RNGTT: variants seen among roughly 807,000 people sequenced by gnomAD.
RNGTT encodes the protein RNA guanylyltransferase and 5'-phosphatase.
In RNGTT, 33 loss-of-function variants were observed where a neutral mutation model predicts 79.3. That is an observed-to-expected ratio of 0.42 (90% confidence interval 0.32 to 0.56). The LOEUF (loss-of-function observed/expected upper bound fraction) is 0.56. Among genes scored for constraint, RNGTT ranks in the 20% least tolerant of loss-of-function variants. The pLI, the probability that RNGTT is intolerant of heterozygous loss-of-function variation, is 0.17. For missense variants in RNGTT, 497 were observed against 739.1 expected (o/e 0.67, Z 3.80); for synonymous variants, 222 against 235.9 (o/e 0.94, Z 0.54).
intron 14 of RNGTT, among the ~76,000 whole-genome samples, chr6:88,627,006 G>A (rs998149781): frequency 1.3e-5 from 2 of 151,910 alleles, no homozygotes; most frequent in Non-Finnish European, 2.9e-5. Flanking sequence ...TAATAAAATC[G>A]ATATACAACC....
chr6:88,806,127 G>A (rs575269683), intron 11 of RNGTT, among the ~76,000 whole-genome samples: 37 of 151,938 alleles, frequency 2.4e-4, no homozygotes, highest in South Asian at 1.5e-3. Context: ...CACGAAAGAC[G>A]TCTAATTTAA....
chr6:88,630,884 T>C (rs921501441), intron 14 of RNGTT, among the ~76,000 whole-genome samples: 8 of 152,208 alleles, frequency 5.3e-5, no homozygotes, highest in African/African-American at 1.7e-4. Flanking sequence ...GCCAGGAAAT[T>C]TGTTTGCTTT....
intron 14 of RNGTT, among the ~76,000 whole-genome samples, chr6:88,619,465 GC>G (rs1324814841): frequency 6.6e-6 from 1 of 152,198 alleles, no homozygotes; most frequent in Non-Finnish European, 1.5e-5. Context: ...ACTGCACCCA[GC>G]CCATTGGGGA....
intron 14 of RNGTT, among the ~76,000 whole-genome samples, chr6:88,645,706 T>TA (rs1470733238): frequency 6.6e-6 from 1 of 152,158 alleles, no homozygotes; most frequent in Admixed American, 6.5e-5. Flanking sequence ...ACCACACATC[T>TA]ACAACCATCT....
chr6:88,840,671 T>C (rs1249291198), intron 11 of RNGTT, among the ~76,000 whole-genome samples: 4 of 152,220 alleles, frequency 2.6e-5, no homozygotes, highest in Non-Finnish European at 5.9e-5. Flanking sequence ...AGTGCCAGGA[T>C]TACAGGTGTG....
chr6:88,761,590 C>T (rs1225202239), intron 13 of RNGTT, among the ~76,000 whole-genome samples: 1 of 152,148 alleles, frequency 6.6e-6, no homozygotes, highest in East Asian at 1.9e-4. Flanking sequence ...CAACCATGTA[C>T]AGTACTGTAA....
chr6:88,799,469 T>C (rs982119888), intron 12 of RNGTT, among the ~76,000 whole-genome samples: 5 of 151,832 alleles, frequency 3.3e-5, no homozygotes, highest in African/African-American at 1.2e-4. Flanking sequence ...GAGGCCAAGG[T>C]AGGCGGATCA....
At chr6:88,825,345 G>A (rs1780623296) in intron 11 of RNGTT, among the ~76,000 whole-genome samples, 1 of 152,208 alleles carries the variant, frequency 6.6e-6, no homozygotes, top group South Asian at 2.1e-4. Context: ...CACATGGGTG[G>A]AGGTACACAG....
At chr6:88,773,885 G>T (rs779397045) in intron 12 of RNGTT, among the ~76,000 whole-genome samples, 5 of 152,092 alleles carry the variant, frequency 3.3e-5, no homozygotes, top group Non-Finnish European at 7.4e-5. Context: ...AAGGCTCTGC[G>T]ATCTTAGATT....
intron 14 of RNGTT, among the ~76,000 whole-genome samples, chr6:88,674,675 G>A (rs1045321131): frequency 2.6e-5 from 4 of 151,930 alleles, no homozygotes; most frequent in Non-Finnish European, 5.9e-5. Context: ...ATATAAGCAG[G>A]TGGAAAGGAG....
intron 4 of RNGTT, among the ~76,000 whole-genome samples, chr6:88,916,156 G>A (rs1226224828): frequency 1.3e-5 from 2 of 152,160 alleles, no homozygotes; most frequent in African/African-American, 4.8e-5. Context: ...CTCATACTGT[G>A]GTTTTACCAG....
intron 11 of RNGTT, among the ~76,000 whole-genome samples, chr6:88,806,258 A>G (rs1779950114): frequency 6.6e-6 from 1 of 152,178 alleles, no homozygotes; most frequent in Non-Finnish European, 1.5e-5. Flanking sequence ...CAAAGACTTT[A>G]AAAATAACAT....
intron 11 of RNGTT, among the ~76,000 whole-genome samples, chr6:88,831,592 A>C (rs1780868861): frequency 6.6e-6 from 1 of 152,208 alleles, no homozygotes; most frequent in African/African-American, 2.4e-5. Flanking sequence ...TGGACAGGGC[A>C]ATCAGGCAAG....
intron 14 of RNGTT, among the ~76,000 whole-genome samples, chr6:88,651,365 T>C (rs1773791558): frequency 6.6e-6 from 1 of 152,178 alleles, no homozygotes; most frequent in Non-Finnish European, 1.5e-5. Context: ...AATGTAACTA[T>C]GTTGTCATCT....
intron 11 of RNGTT, among the ~76,000 whole-genome samples, chr6:88,842,867 T>C (rs1354537685): frequency 6.6e-6 from 1 of 151,490 alleles, no homozygotes; most frequent in African/African-American, 2.4e-5. Context: ...AGCCCAGGAG[T>C]TGGAGACCAG....
chr6:88,811,716 GA>G (rs1037508820), intron 11 of RNGTT, among the ~76,000 whole-genome samples: 2 of 152,088 alleles, frequency 1.3e-5, no homozygotes, highest in African/African-American at 4.8e-5. Context: ...TTATAGTATG[GA>G]AAATATACCA....
intron 11 of RNGTT, among the ~76,000 whole-genome samples, chr6:88,821,295 G>A (rs1391939644): frequency 6.6e-6 from 1 of 152,118 alleles, no homozygotes; most frequent in Non-Finnish European, 1.5e-5. Context: ...ATTTGTGTAT[G>A]TTTCAGTGTG....
intron 13 of RNGTT, among the ~76,000 whole-genome samples, 169 bp downstream of exon 13, chr6:88,769,605 C>T (rs1276889090): frequency 6.6e-6 from 1 of 152,022 alleles, no homozygotes; most frequent in East Asian, 1.9e-4. Context: ...GGAGTAATCT[C>T]TGAAAACGAA....
At chr6:88,640,561 G>A (rs201688423) in intron 14 of RNGTT, among the ~76,000 whole-genome samples, 94 of 111,794 alleles carry the variant, frequency 8.4e-4, no homozygotes, top group East Asian at 9.7e-4. Context: ...AAAAAAAAAA[G>A]AAAAGAAAAA....
Sources: allele counts gnomAD v4.1 joint callset (sites outside exome capture counted in the v4.1 genomes callset), GRCh38; gene constraint gnomAD v4.1.1; transcripts MANE v1.5; gene names NCBI Gene and HGNC (gene_info 2026-07-23, HGNC 2026-07-21).